Variants in COL23A1 observed in about 807,000 individuals in gnomAD.
COL23A1 encodes collagen type XXIII alpha 1 chain.
A neutral mutation model predicts 99.3 loss-of-function variants in COL23A1; 97 were observed. That is an observed-to-expected ratio of 0.98 (90% CI 0.83 to 1.16). COL23A1 has a LOEUF of 1.16. Among genes scored for constraint, COL23A1 ranks in the 50% most tolerant of loss-of-function variants. The pLI, the probability that COL23A1 is intolerant of heterozygous loss-of-function variation, is 0.00. For missense variants in COL23A1, 762 were observed against 757.4 expected (o/e 1.01, Z -0.07); for synonymous variants, 320 against 308.2 (o/e 1.04, Z -0.40).
At chr5:178,398,617 ACT>A (rs1348420758) in intron 2 of COL23A1, among the ~76,000 whole-genome samples, 24 of 152,226 alleles carry the variant, frequency 1.6e-4, no homozygotes, top group African/African-American at 5.3e-4. Context: ...ACGGAATGAG[ACT>A]CTGTTCCCCC....
rs189872574 is a variant in COL23A1 at position 178,319,317 on chromosome 5, C to T, written c.362-12398G>A. On this transcript the variant is annotated intron_variant, in intron 2 of 28. Transcript: ENST00000390654. ...AAATTCCTCAACTCTCCATTCACCCCGAGTCTTAATCACTGACACATGTAC... is the reference window on the plus strand; with the variant it reads ...AAATTCCTCAACTCTCCATTCACCCTGAGTCTTAATCACTGACACATGTAC... 1.1e-4 allele frequency among the ~76,000 whole-genome samples: 16 copies of T among 152,260 alleles called. No homozygotes were observed. In the East Asian group the frequency reaches 2.7e-3, roughly 26 times the overall value.
In COL23A1 at chr5:178,544,519, G is replaced by A. The variant is rs1051896616; in HGVS notation, c.361+16163C>T. ...GCCCCAGAAAACAGCAAGACCGGTGGCCACCCCCGCTGTGAGTACTCTGAG... is the reference window on the plus strand; with the variant it reads ...GCCCCAGAAAACAGCAAGACCGGTGACCACCCCCGCTGTGAGTACTCTGAG... On this transcript the variant is annotated intron_variant, in intron 2 of 28. Coordinates refer to ENST00000390654, the MANE Select transcript of COL23A1 (RefSeq NM_173465.4). The surrounding 1 kb of genome is among the most constrained non-coding windows in gnomAD (Gnocchi z 4.4). Among the ~76,000 whole-genome samples the A allele has an allele frequency of 6.6e-6, 1 of 152,148 alleles. No homozygotes were observed. Among genetic ancestry groups the A allele is most frequent in the Non-Finnish European group, 1.5e-5 (1 of 68,028 alleles).
At chr5:178,559,633 C>T (rs569000278) in intron 2 of COL23A1, among the ~76,000 whole-genome samples, 1 of 135,712 alleles carries the variant, frequency 7.4e-6, no homozygotes, top group African/African-American at 3.0e-5. Context: ...CCAAAAGTCA[C>T]CTTTCCCTGC....
At chr5:178,450,262 T>C (rs531984087) in intron 2 of COL23A1, among the ~76,000 whole-genome samples, 1 of 152,310 alleles carries the variant, frequency 6.6e-6, no homozygotes, top group African/African-American at 2.4e-5. Context: ...AGGATCGTTT[T>C]CCCCTTCTTC....
Position 178,409,489 on chromosome 5 carries a change from A to AGTGTGTGT in COL23A1, c.362-102578_362-102571dup, listed in dbSNP as rs34824661. ...TAGTGACTGTGGTGGTATTTACACT[A>AGTGTGTGT]GTGTGTGTGTGTGTGATAAAATGGC... On this transcript the variant is annotated intron_variant, in intron 2 of 28. Transcript: ENST00000390654. 2.0e-3 allele frequency among the ~76,000 whole-genome samples: 304 copies of AGTGTGTGT among 151,416 alleles called. 3 individuals are homozygous for AGTGTGTGT. The highest frequency in any genetic ancestry group is 7.1e-3 in the African/African-American group (294 of 41,312).
chr5:178,370,846 G>A (rs1326176571), intron 2 of COL23A1, among the ~76,000 whole-genome samples: 1 of 152,232 alleles, frequency 6.6e-6, no homozygotes, highest in Non-Finnish European at 1.5e-5. Context: ...AGAGGCTGAG[G>A]CAGGAGGATC....
chr5:178,261,433 A>G (rs1765617748), intron 11 of COL23A1, among the ~76,000 whole-genome samples: 1 of 152,218 alleles, frequency 6.6e-6, no homozygotes, highest in Non-Finnish European at 1.5e-5. Context: ...AAATTAAAAA[A>G]AAAAAGGAAA....
intron 8 of COL23A1, among the ~76,000 whole-genome samples, chr5:178,266,275 A>C (rs947698458): frequency 2.8e-4 from 42 of 152,182 alleles, no homozygotes; most frequent in African/African-American, 8.7e-4. Context: ...TCCTGACCTC[A>C]AGTGATCCAC....
intron 5 of COL23A1, among the ~76,000 whole-genome samples, chr5:178,272,712 G>A (rs920548539): frequency 3.9e-5 from 6 of 152,080 alleles, no homozygotes; most frequent in South Asian, 2.1e-4. Flanking sequence ...TTCTGCCCTC[G>A]GTAGTACACT....
chr5:178,581,731 C>T (rs1001569815), intron 1 of COL23A1, among the ~76,000 whole-genome samples: 8 of 151,946 alleles, frequency 5.3e-5, no homozygotes, highest in African/African-American at 1.5e-4. Context: ...GTGTATGCCA[C>T]GTTGATAGTA....
chr5:178,389,538 C>A (rs1306004666), intron 2 of COL23A1, among the ~76,000 whole-genome samples: 1 of 152,234 alleles, frequency 6.6e-6, no homozygotes, highest in African/African-American at 2.4e-5. Context: ...TCCCTCCTCA[C>A]AGAGGGTGCC....
At chr5:178,336,286 G>A (rs1760310433) in intron 2 of COL23A1, among the ~76,000 whole-genome samples, 2 of 152,166 alleles carry the variant, frequency 1.3e-5, no homozygotes, top group South Asian at 2.1e-4. Context: ...ACTTGTACAC[G>A]AATGTTCCTA....
intron 2 of COL23A1, among the ~76,000 whole-genome samples, chr5:178,551,714 G>A (rs1018755512): frequency 2.6e-5 from 4 of 152,050 alleles, no homozygotes; most frequent in Non-Finnish European, 5.9e-5. Context: ...CTGGATTTAG[G>A]GGATGCTGCA....
intron 2 of COL23A1, among the ~76,000 whole-genome samples, chr5:178,358,443 GTGTGTATA>G (rs1288250182): frequency 1.3e-5 from 2 of 150,562 alleles, no homozygotes; most frequent in Non-Finnish European, 3.0e-5. Context: ...ATGTGTGTAT[GTGTGTATA>G]TGTATGCGTA....
intron 2 of COL23A1, among the ~76,000 whole-genome samples, chr5:178,394,242 G>A (rs1365669887): frequency 2.0e-5 from 3 of 152,222 alleles, no homozygotes; most frequent in South Asian, 4.1e-4. Context: ...GGGCAGGTCC[G>A]GTACAGGTTT....
At chr5:178,293,659 T>G (rs898516059) in intron 3 of COL23A1, among the ~76,000 whole-genome samples, 1 of 113,012 alleles carries the variant, frequency 8.8e-6, no homozygotes, top group Admixed American at 1.1e-4. Flanking sequence ...TGAGTAAGAA[T>G]GAGGGAGGAG....
rs776884743 is a variant in COL23A1 at position 178,366,541 on chromosome 5, C to A, written c.362-59622G>T. Among the ~76,000 whole-genome samples, 1 of 152,208 alleles carries A rather than the reference C, an allele frequency of 6.6e-6. No homozygotes were observed. The highest frequency in any genetic ancestry group is 2.4e-5 in the African/African-American group (1 of 41,460). On this transcript the variant is annotated intron_variant, in intron 2 of 28. Transcript: ENST00000390654. This position sits in a 1 kb window ranked among gnomAD's most constrained non-coding sequence, Gnocchi z 4.4. ...CCTTTCCAGACCAACTTCCACCCTGCCCCAACAGAGTGCTTTCAGATCACC... is the reference window on the plus strand; with the variant it reads ...CCTTTCCAGACCAACTTCCACCCTGACCCAACAGAGTGCTTTCAGATCACC...
rs569416248 is a variant in COL23A1, at chr5:178,589,590, C to T, written c.294+314G>A. Among the ~76,000 whole-genome samples the T allele has an allele frequency of 6.6e-6, 1 of 152,330 alleles. No homozygotes were observed. Among genetic ancestry groups the T allele is most frequent in the African/African-American group, 2.4e-5 (1 of 41,592 alleles). The stretch of plus-strand genomic sequence containing the variant: ...GGCCGCCGGCGGGAAGCGGCGTGTC[C>T]GAGCGCACACCCCGTGGAGACTGAC... On this transcript the variant is annotated intron_variant, in intron 1 of 28. Coordinates refer to ENST00000390654, the MANE Select transcript of COL23A1 (RefSeq NM_173465.4). The surrounding 1 kb of genome is among the most constrained non-coding windows in gnomAD (Gnocchi z 5.4).
At chr5:178,449,927 G>T (rs6885012) in intron 2 of COL23A1, among the ~76,000 whole-genome samples, 1 of 152,042 alleles carries the variant, frequency 6.6e-6, no homozygotes, top group African/African-American at 2.4e-5. Flanking sequence ...CCGTATACCC[G>T]GCGCAGAAGA....
Sources: gnomAD v4.1 joint callset for allele counts (sites outside exome capture counted in the v4.1 genomes callset) on GRCh38, gnomAD v4.1.1 for gene constraint, Gnocchi (gnomAD v3.1) non-coding constraint, MANE v1.5 for transcripts, NCBI Gene and HGNC (gene_info 2026-07-23, HGNC 2026-07-21) for gene names.